Variants in EYS observed in about 807,000 individuals in gnomAD.
The protein encoded by EYS is protein eyes shut homolog.
Under a neutral mutation model 282.1 loss-of-function variants are expected in EYS, and 250 were observed. The observed-to-expected ratio is 0.89, with a 90% confidence interval of 0.80 to 0.98. The LOEUF (loss-of-function observed/expected upper bound fraction) is 0.98. EYS is among the 50% of genes least tolerant of loss of function. The pLI, the probability that EYS is intolerant of heterozygous loss-of-function variation, is 0.00. For synonymous variants in EYS, 1,355 were observed against 1,282.9 expected, an observed-to-expected ratio of 1.06 and a Z score of -1.20; for missense variants, 4,016 against 3,709.0, an observed-to-expected ratio of 1.08 and a Z score of -2.15.
intron 14 of EYS, among the ~76,000 whole-genome samples, chr6:64,963,821 A>G (rs1770006609): frequency 6.6e-6 from 1 of 152,218 alleles, no homozygotes; most frequent in Non-Finnish European, 1.5e-5. Flanking sequence ...TCACTGAACA[A>G]TTAATAACAT....
chr6:64,092,359 A>G (rs1389819822), intron 31 of EYS, among the ~76,000 whole-genome samples: 1 of 152,284 alleles, frequency 6.6e-6, no homozygotes, highest in East Asian at 1.9e-4. Flanking sequence ...CTAGTTTACA[A>G]TCCCACCAAC....
chr6:64,172,809 C>T (rs1017967334), intron 31 of EYS, among the ~76,000 whole-genome samples: 2 of 152,118 alleles, frequency 1.3e-5, no homozygotes, highest in African/African-American at 4.8e-5. Context: ...GGAGCAGGAA[C>T]CCTATTGTGA....
chr6:64,338,481 CAACACA>C (rs1182213855), intron 29 of EYS, among the ~76,000 whole-genome samples: 3 of 151,678 alleles, frequency 2.0e-5, no homozygotes, highest in African/African-American at 7.3e-5. Flanking sequence ...AAATCGTAGA[CAACACA>C]AACAAATGGA....
At chr6:65,427,616 G>A (rs1290392636) in intron 5 of EYS, among the ~76,000 whole-genome samples, 2 of 152,000 alleles carry the variant, frequency 1.3e-5, no homozygotes, top group African/African-American at 2.4e-5. Context: ...GCATATTTGA[G>A]TCAACATAAA....
intron 31 of EYS, among the ~76,000 whole-genome samples, chr6:64,097,779 C>T (rs890450625): frequency 2.6e-5 from 4 of 152,086 alleles, no homozygotes; most frequent in East Asian, 1.9e-4. Flanking sequence ...TTGTTTCCTA[C>T]AGCCATGCTA....
intron 5 of EYS, among the ~76,000 whole-genome samples, chr6:65,452,807 G>A (rs776214424): frequency 5.9e-5 from 9 of 151,940 alleles, no homozygotes; most frequent in Non-Finnish European, 1.2e-4. Flanking sequence ...TGTCATGTAC[G>A]TGGCCCATAT....
chr6:65,633,954 C>A (rs574310178), intron 2 of EYS, among the ~76,000 whole-genome samples: 1 of 152,278 alleles, frequency 6.6e-6, no homozygotes, highest in South Asian at 2.1e-4. Context: ...GTGTGCTGAC[C>A]CCTGCTAGAG....
chr6:63,797,390 C>T (rs114217508), intron 37 of EYS: 148 of 152,206 alleles, frequency 9.7e-4, no homozygotes, highest in African/African-American at 3.3e-3. Context: ...TCCTTACTGC[C>T]GGAACAAGAT....
chr6:64,844,769 T>C (rs1001784671), intron 19 of EYS, among the ~76,000 whole-genome samples: 2 of 152,198 alleles, frequency 1.3e-5, no homozygotes. Context: ...TAACATTATT[T>C]TCACTTTGGA....
intron 12 of EYS, among the ~76,000 whole-genome samples, chr6:65,098,046 T>C (rs1412182419): frequency 6.6e-6 from 1 of 150,674 alleles, no homozygotes; most frequent in Non-Finnish European, 1.5e-5. Flanking sequence ...AATAGGATCG[T>C]CATATCTCAA....
chr6:64,530,333 A>G (rs1296768046), intron 26 of EYS, among the ~76,000 whole-genome samples: 6 of 152,184 alleles, frequency 3.9e-5, no homozygotes, highest in African/African-American at 1.4e-4. Flanking sequence ...AGATGTTAAT[A>G]TAACTTAAGT....
intron 35 of EYS, among the ~76,000 whole-genome samples, chr6:63,944,066 G>A (rs1037659722): frequency 7.9e-5 from 12 of 152,120 alleles, no homozygotes; most frequent in Non-Finnish European, 1.2e-4. Flanking sequence ...GATGCAGAGC[G>A]CAGGACCTGA....
At chr6:65,613,644 C>T (rs538210154) in intron 2 of EYS, among the ~76,000 whole-genome samples, 1 of 151,900 alleles carries the variant, frequency 6.6e-6, no homozygotes, top group East Asian at 1.9e-4. Flanking sequence ...GTAGTTTTTA[C>T]AGGTACTAAA....
chr6:65,269,006 AT>A (rs943799584), intron 12 of EYS, among the ~76,000 whole-genome samples: 13 of 152,278 alleles, frequency 8.5e-5, no homozygotes, highest in African/African-American at 1.4e-4. Flanking sequence ...GAATAAAAAA[AT>A]GAAGGCAAAT....
chr6:63,932,174 T>G (rs910617669), intron 35 of EYS, among the ~76,000 whole-genome samples: 2 of 152,250 alleles, frequency 1.3e-5, no homozygotes, highest in African/African-American at 2.4e-5. Flanking sequence ...CATTCTTTTT[T>G]ATGGCCGAAT....
chr6:64,585,361 G>A (rs935920272), intron 26 of EYS, among the ~76,000 whole-genome samples: 2 of 152,034 alleles, frequency 1.3e-5, no homozygotes, highest in Non-Finnish European at 2.9e-5. Context: ...CCTACCTATT[G>A]GATACTATGC....
Position 63,806,322 on chromosome 6 carries a change from T to C in EYS, c.7279A>G (p.Thr2427Ala). ...ATCCGTGAATAAGCCAGGAATGAGG[T>C]GTATCCAAAGGCATCTGTGCCACTG... ...RFSGTDAFGY[T>A]SFLAYSRISD... The change falls in exon 37 of 43, where the codon ACC becomes GCC. Residue 2427 changes from threonine (T) to alanine (A), a missense_variant. Thr to Ala is a moderately conservative substitution (Grantham distance 58, BLOSUM62 0). Transcript: ENST00000503581. The C allele has an allele frequency of 6.4e-7, 1 of 1,551,480 alleles. No individual in the cohort carries two copies. Among genetic ancestry groups the C allele is most frequent in the Non-Finnish European group, 8.7e-7 (1 of 1,146,770 alleles).
At chr6:65,592,238 A>T (rs756699793) in intron 2 of EYS, among the ~76,000 whole-genome samples, 1 of 151,994 alleles carries the variant, frequency 6.6e-6, no homozygotes, top group African/African-American at 2.4e-5. Flanking sequence ...AACAGCATTC[A>T]GAGTAAAAGG....
In EYS at chr6:65,169,586, C is replaced by A. The variant is rs186378780; in HGVS notation, c.2024-111859G>T. ...AACACATGCTTTTTCAATTATGGTA[C>A]TTTTTACAAGAGTTAAAACAATTAT... On this transcript the variant is annotated intron_variant, in intron 12 of 42. Transcript: ENST00000503581. Among the ~76,000 whole-genome samples, 3 of 151,342 alleles carry A rather than the reference C, an allele frequency of 2.0e-5. No individual in the cohort carries two copies. In the South Asian group the frequency reaches 6.2e-4, roughly 31 times the overall value.
Sources: allele counts gnomAD v4.1 joint callset (sites outside exome capture counted in the v4.1 genomes callset), GRCh38; gene constraint gnomAD v4.1.1; transcripts MANE v1.5; gene names NCBI Gene and HGNC (gene_info 2026-07-23, HGNC 2026-07-21).